Variants in SERGEF observed in about 807,000 individuals in gnomAD.
SERGEF encodes the protein secretion regulating guanine nucleotide exchange factor, also known as secretion-regulating guanine nucleotide exchange factor.
A neutral mutation model predicts 50.0 loss-of-function variants in SERGEF; 51 were observed. That is an observed-to-expected ratio of 1.02 (90% confidence interval 0.81 to 1.29). SERGEF has a LOEUF of 1.29. Among genes scored for constraint, SERGEF ranks in the 50% most tolerant of loss-of-function variants. The probability of loss-of-function intolerance (pLI) is 0.00; values close to 1 mark genes in which losing one functional copy is unlikely to be tolerated. For synonymous variants in SERGEF, 205 were observed against 212.4 expected, an observed-to-expected ratio of 0.97 and a Z score of 0.30; for missense variants, 521 against 557.0, an observed-to-expected ratio of 0.94 and a Z score of 0.65.
At chr11:17,887,937 G>A (rs957817703) in intron 9 of SERGEF, among the ~76,000 whole-genome samples, 1 of 152,204 alleles carries the variant, frequency 6.6e-6, no homozygotes, top group African/African-American at 2.4e-5. Flanking sequence ...AGGCAAGGGA[G>A]CGAAGCTTCA....
At chr11:17,788,767 C>T (rs907818789) in intron 10 of SERGEF, among the ~76,000 whole-genome samples, 1 of 152,232 alleles carries the variant, frequency 6.6e-6, no homozygotes, top group Admixed American at 6.5e-5. Flanking sequence ...ATTTTTCCAT[C>T]TCCTCAGCCA....
intron 5 of SERGEF, among the ~76,000 whole-genome samples, chr11:17,999,770 T>C (rs1277881033): frequency 1.3e-5 from 2 of 152,212 alleles, no homozygotes; most frequent in Non-Finnish European, 2.9e-5. Flanking sequence ...GCTGTGCAGT[T>C]CCCTGCAAAA....
rs187915297 is a variant in SERGEF, at chr11:17,899,077, G to T, written c.1012-20833C>A. Among the ~76,000 whole-genome samples, 5 of 152,110 alleles carry T rather than the reference G, an allele frequency of 3.3e-5. No individual in the cohort carries two copies. The East Asian group carries it at 9.6e-4, about 29-fold the overall frequency. On this transcript the variant is annotated intron_variant, in intron 9 of 10. Transcript: ENST00000265965. ...TTCTTCTTTCCCTTCCACTATGATTGTAAGTTTCCTCAGGCCTTCCCAGAA... is the reference window on the plus strand; with the variant it reads ...TTCTTCTTTCCCTTCCACTATGATTTTAAGTTTCCTCAGGCCTTCCCAGAA...
At chr11:17,816,236 T>C (rs1031951957) in intron 10 of SERGEF, among the ~76,000 whole-genome samples, 1 of 152,200 alleles carries the variant, frequency 6.6e-6, no homozygotes, top group African/African-American at 2.4e-5. Flanking sequence ...TTCTGAATAA[T>C]AACTCTAGTC....
chr11:17,934,034 G>A (rs1179791089), intron 9 of SERGEF, among the ~76,000 whole-genome samples: 4 of 151,956 alleles, frequency 2.6e-5, no homozygotes, highest in Non-Finnish European at 5.9e-5. Flanking sequence ...GTGTCAAAAT[G>A]TTCATGGAAT....
intron 9 of SERGEF, among the ~76,000 whole-genome samples, chr11:17,912,914 C>T (rs1452740922): frequency 6.6e-6 from 1 of 152,182 alleles, no homozygotes; most frequent in African/African-American, 2.4e-5. Context: ...TAAAATGGAG[C>T]AATAACTCTT....
intron 9 of SERGEF, among the ~76,000 whole-genome samples, chr11:17,890,171 G>C (rs1449540314): frequency 6.6e-6 from 1 of 152,182 alleles, no homozygotes; most frequent in Non-Finnish European, 1.5e-5. Context: ...TGGCTGGACA[G>C]CTGTGGCCTG....
rs552451264 is a variant in SERGEF at position 17,971,829 on chromosome 11, A to G, written c.845-12193T>C. On this transcript the variant is annotated intron_variant, in intron 8 of 10. Coordinates refer to ENST00000265965, the MANE Select transcript of SERGEF (RefSeq NM_012139.4). ...ATGGATATGGGCAAAGTTATTAAAA[A>G]TATTCTGGAAAGGATTCATCATTCT... Among the ~76,000 whole-genome samples the G allele has an allele frequency of 6.2e-4, 94 of 152,366 alleles. 1 individual carries two copies. Among genetic ancestry groups the G allele is most frequent in the African/African-American group, 2.0e-3 (83 of 41,596 alleles).
intron 10 of SERGEF, among the ~76,000 whole-genome samples, chr11:17,800,390 C>T (rs1243671498): frequency 3.9e-5 from 6 of 152,156 alleles, no homozygotes; most frequent in Admixed American, 3.9e-4. Context: ...ATGGATCCAC[C>T]TAATTATAAG....
rs1851390139 is a variant in SERGEF at position 17,884,290 on chromosome 11, A to G, written c.1012-6046T>C. ...GGTACTGGGTTATGCTCTGTGCCGC[A>G]CTGCGAGCCCTTGGCGGGCACAGCC... On this transcript the variant is annotated intron_variant, in intron 9 of 10. Coordinates refer to ENST00000265965, the MANE Select transcript of SERGEF (RefSeq NM_012139.4). The surrounding 1 kb of genome is among the most constrained non-coding windows in gnomAD (Gnocchi z 4.6). 6.6e-6 allele frequency among the ~76,000 whole-genome samples: 1 copy of G among 152,304 alleles called. No individual in the cohort carries two copies. The highest frequency in any genetic ancestry group is 2.1e-4 in the South Asian group (1 of 4,830).
At chr11:17,818,798 C>T (rs190403933) in intron 10 of SERGEF, among the ~76,000 whole-genome samples, 221 of 152,354 alleles carry the variant, frequency 1.5e-3, no homozygotes, top group Non-Finnish European at 2.7e-3. Flanking sequence ...CATTCAAGGC[C>T]TGGTCCTGAC....
chr11:17,811,628 T>C (rs1332373416), intron 10 of SERGEF, among the ~76,000 whole-genome samples: 15 of 152,242 alleles, frequency 9.9e-5, no homozygotes, highest in Non-Finnish European at 1.8e-4. Flanking sequence ...CCATCAGATA[T>C]ACACTTCCTG....
In SERGEF at chr11:17,808,991, AG is replaced by A. The variant is rs555875095; in HGVS notation, c.1049-20579del. Among the ~76,000 whole-genome samples, 37 of 152,372 alleles carry A rather than the reference AG, an allele frequency of 2.4e-4. No homozygotes were observed. In the East Asian group the frequency reaches 6.7e-3, roughly 28 times the overall value. The stretch of plus-strand genomic sequence containing the variant: ...TTCAAACTCTAGGTTCCTTGAAAAT[AG>A]GGGGCTAAACCCGGTCTTTCCAGTC... On this transcript the variant is annotated intron_variant, in intron 10 of 10. Coordinates refer to ENST00000265965, the MANE Select transcript of SERGEF (RefSeq NM_012139.4).
intron 10 of SERGEF, among the ~76,000 whole-genome samples, chr11:17,810,698 G>A (rs1849852844): frequency 6.6e-6 from 1 of 151,896 alleles, no homozygotes; most frequent in African/African-American, 2.4e-5. Context: ...ATCCTCCACT[G>A]TGCTTAGCAC....
At chr11:17,938,474 C>T (rs1406430228) in intron 9 of SERGEF, among the ~76,000 whole-genome samples, 2 of 152,102 alleles carry the variant, frequency 1.3e-5, no homozygotes, top group Non-Finnish European at 2.9e-5. Context: ...CCCAAGTGTC[C>T]GGGCTTCCAA....
intron 9 of SERGEF, among the ~76,000 whole-genome samples, chr11:17,902,871 GC>G (rs1440740327): frequency 6.6e-6 from 1 of 152,140 alleles, no homozygotes; most frequent in Non-Finnish European, 1.5e-5. Flanking sequence ...GACATCACCT[GC>G]CCCAAGGAAA....
chr11:17,796,505 T>C (rs1184156482), intron 10 of SERGEF, among the ~76,000 whole-genome samples: 2 of 152,238 alleles, frequency 1.3e-5, no homozygotes, highest in East Asian at 3.8e-4. Flanking sequence ...GAGTTTGGTC[T>C]CTTTTTCTCT....
At chr11:17,927,783 T>G (rs540837774) in intron 9 of SERGEF, among the ~76,000 whole-genome samples, 3 of 152,234 alleles carry the variant, frequency 2.0e-5, no homozygotes, top group Non-Finnish European at 4.4e-5. Flanking sequence ...TCTTCTACAT[T>G]TTAACAAGAT....
chr11:17,800,557 A>T (rs981629149), intron 10 of SERGEF, among the ~76,000 whole-genome samples: 1 of 152,238 alleles, frequency 6.6e-6, no homozygotes, highest in Non-Finnish European at 1.5e-5. Context: ...ACCAAACAAC[A>T]CACAAGGTCC....
Sources: allele counts gnomAD v4.1 joint callset (sites outside exome capture counted in the v4.1 genomes callset), GRCh38; gene constraint gnomAD v4.1.1; non-coding constraint Gnocchi (gnomAD v3.1); transcripts MANE v1.5; gene names NCBI Gene and HGNC (gene_info 2026-07-23, HGNC 2026-07-21).